The following ZC3H4 variants were observed in gnomAD, a reference collection of about 807,000 sequenced individuals.
ZC3H4 encodes the protein zinc finger CCCH-type containing 4.
Under a neutral mutation model 108.3 loss-of-function variants are expected in ZC3H4, and 13 were observed. The observed-to-expected ratio is 0.12, with a 90% CI of 0.08 to 0.19. The LOEUF is 0.19. ZC3H4 is among the 10% of genes least tolerant of loss of function. ZC3H4 has a pLI of 1.00. For missense variants in ZC3H4, 1,734 were observed against 1,838.8 expected, an observed-to-expected ratio of 0.94 and a Z score of 1.04; for synonymous variants, 917 against 749.6, an observed-to-expected ratio of 1.22 and a Z score of -3.65.
Position 47,093,876 on chromosome 19 carries a change from C to CA in ZC3H4, c.492+93dup, listed in dbSNP as rs1045220128. The CA allele has an allele frequency of 4.4e-6, 5 of 1,124,660 alleles. No homozygotes were observed. In the African/African-American group the frequency reaches 6.2e-5, roughly 14 times the overall value. The allele number at this position is 1,124,660 out of a possible 1,614,324, so 69.7% of individuals were successfully genotyped here. ...CCTGATGGCCCAGGACTGAAACTCACAAAAAATGCCCAGAACACAGCAAGT... is the reference window on the plus strand; with the variant it reads ...CCTGATGGCCCAGGACTGAAACTCACAAAAAAATGCCCAGAACACAGCAAGT... On this transcript the variant is annotated intron_variant, in intron 4 of 14. Coordinates refer to ENST00000253048, the MANE Select transcript of ZC3H4 (RefSeq NM_015168.2).
intron 14 of ZC3H4, among the ~76,000 whole-genome samples, chr19:47,068,093 T>C (rs949070831): frequency 7.9e-5 from 12 of 152,184 alleles, no homozygotes; most frequent in Admixed American, 4.6e-4. Context: ...GTGGCGGCAC[T>C]GCACTAAGTA....
At chr19:47,082,349 C>G in intron 9 of ZC3H4, 54 bp from the exon 10 acceptor site, 1 of 1,336,608 alleles carries the variant, frequency 7.5e-7, no homozygotes, top group Non-Finnish European at 1.1e-6. Flanking sequence ...CTCTTGCTTA[C>G]TTCTGTCTGC....
intron 1 of ZC3H4, among the ~76,000 whole-genome samples, chr19:47,112,842 C>G (rs2058058510): frequency 6.6e-6 from 1 of 152,098 alleles, no homozygotes; most frequent in Non-Finnish European, 1.5e-5. Context: ...GGCGAGAGCC[C>G]CCCCCCCACG....
intron 9 of ZC3H4, among the ~76,000 whole-genome samples, chr19:47,083,190 A>G (rs11879724): frequency 0.018 from 2,655 of 150,392 alleles, 71 homozygotes; most frequent in African/African-American, 0.061. Context: ...GAGGCTGAGG[A>G]AGGAGAATGG....
At chr19:47,080,988 C>A (rs187440181) in intron 11 of ZC3H4, among the ~76,000 whole-genome samples, 2 of 151,948 alleles carry the variant, frequency 1.3e-5, no homozygotes, top group Non-Finnish European at 2.9e-5. Flanking sequence ...GCCCTAAGTA[C>A]AACTGATCTG....
rs1358120189 is a variant in ZC3H4 at position 47,065,963 on chromosome 19, G to A, written c.*393C>T. Reference sequence around the variant, plus strand: ...GTGAGGAGCGTTCAATACCTTCCCAGACACCAACTGTTCCCTTTGTCCTGG... The same window carrying A: ...GTGAGGAGCGTTCAATACCTTCCCAAACACCAACTGTTCCCTTTGTCCTGG... On this transcript the variant is annotated 3_prime_UTR_variant, in exon 15 of 15. Transcript: ENST00000253048. The A allele has an allele frequency of 1.2e-5, 2 of 168,884 alleles. No homozygotes were observed. Among genetic ancestry groups the A allele is most frequent in the African/African-American group, 4.8e-5 (2 of 42,056 alleles). The allele number at this position is 168,884 out of a possible 1,614,324, so 10.5% of individuals were successfully genotyped here.
Position 47,066,680 on chromosome 19 carries a change from C to T in ZC3H4, c.3588G>A (p.Leu1196=). ...CGGCCTTCCCTGTCTCTGGCTGTTC[C>T]AGGGCAGACTTGCGGACGAACGGGG... ...KEPPFVRKSA[L]EQPETGKAGA... is the part of the protein sequence containing the mutation. Residue 1196 remains leucine, a synonymous_variant, in exon 15 of 15, where the codon CTG becomes CTA. Coordinates refer to ENST00000253048, the MANE Select transcript of ZC3H4 (RefSeq NM_015168.2). 1 of 1,611,412 alleles carries T rather than the reference C, an allele frequency of 6.2e-7. No homozygotes were observed. The highest frequency in any genetic ancestry group is 8.5e-7 in the Non-Finnish European group (1 of 1,179,472).
Position 47,085,313 on chromosome 19 carries a change from C to T in ZC3H4, c.967+5G>A, listed in dbSNP as rs747460973. 6.3e-7 allele frequency: 1 copy of T among 1,590,900 alleles called. No individual in the cohort carries two copies. Among genetic ancestry groups the T allele is most frequent in the Non-Finnish European group, 8.6e-7 (1 of 1,169,518 alleles). On this transcript the variant is annotated splice_donor_5th_base_variant and intron_variant, in intron 7 of 14. Transcript: ENST00000253048. ...CCAGCGTGTCCTCTCCAGGCCCCTG[C>T]CCACCTCGGCCTCGGCTGTCCTTGG...
At chr19:47,085,467 A>C in intron 6 of ZC3H4, 53 bp from the exon 7 acceptor site, 2 of 1,445,690 alleles carry the variant, frequency 1.4e-6, no homozygotes, top group Non-Finnish European at 1.9e-6. Context: ...AACAATGAAC[A>C]CTGTCCCCAC....
intron 2 of ZC3H4, chr19:47,110,989 A>G (rs1600122042): frequency 2.2e-6 from 2 of 891,730 alleles, no homozygotes; most frequent in East Asian, 2.4e-4. Context: ...GGGAGGTGGG[A>G]GTGGGGAGAA....
chr19:47,079,033 A>T (rs377066772), intron 11 of ZC3H4, among the ~76,000 whole-genome samples: 1,632 of 135,158 alleles, frequency 0.012, 23 homozygotes, highest in African/African-American at 0.042. Flanking sequence ...TTTCATTTCC[A>T]TTTTTTTTTT....
intron 2 of ZC3H4, among the ~76,000 whole-genome samples, chr19:47,101,896 T>C (rs531300423): frequency 4.0e-5 from 6 of 149,090 alleles, no homozygotes; most frequent in Non-Finnish European, 7.4e-5. Flanking sequence ...TAGCCGGGCA[T>C]GGTGGCACAC....
chr19:47,072,329 T>TC lies in ZC3H4; in HGVS notation c.1802+22dup, dbSNP rs745410151. On this transcript the variant is annotated intron_variant, in intron 12 of 14. Coordinates refer to ENST00000253048, the MANE Select transcript of ZC3H4 (RefSeq NM_015168.2). This position sits in a 1 kb window ranked among gnomAD's most constrained non-coding sequence, Gnocchi z 5.6. Reference sequence around the variant, plus strand: ...GGCCCAGGACAGCGCCCACTGCCTGTCACGGGGGTCCAGGGCACTCACCTC... The same window carrying TC: ...GGCCCAGGACAGCGCCCACTGCCTGTCCACGGGGGTCCAGGGCACTCACCTC... 1 of 1,608,836 alleles carries TC rather than the reference T, an allele frequency of 6.2e-7. No homozygotes were observed. The highest frequency in any genetic ancestry group is 8.5e-7 in the Non-Finnish European group (1 of 1,177,860).
intron 2 of ZC3H4, among the ~76,000 whole-genome samples, chr19:47,101,232 G>GCT (rs1000926119): frequency 1.4e-4 from 21 of 151,972 alleles, no homozygotes; most frequent in African/African-American, 5.1e-4. Flanking sequence ...CTACTCAAGA[G>GCT]GCTAAGGCGA....
chr19:47,071,867 G>A lies in ZC3H4; in HGVS notation c.2057C>T (p.Pro686Leu), dbSNP rs1387083736. The A allele has an allele frequency of 3.1e-6, 5 of 1,613,470 alleles. No homozygotes were observed. The highest frequency in any genetic ancestry group is 2.7e-5 in the African/African-American group (2 of 74,924). Residue 686 changes from proline to leucine, a missense_variant, in exon 13 of 15, where the codon CCC (proline) becomes CTC (leucine). Physicochemically the swap from Pro to Leu is moderately conservative, Grantham distance 98. Around this residue, in one of 9 missense-constraint regions of ZC3H4, gnomAD observed 540 missense variants for 484.1 expected, o/e 1.12. Coordinates refer to ENST00000253048, the MANE Select transcript of ZC3H4 (RefSeq NM_015168.2). ...GAAGTTCTGGGCTGGCGGGATAGGG[G>A]GCATCATTCCAGAATGTGGGGAGTC... ...PGDSPHSGMM[P>L]PIPPAQNFYE...
intron 5 of ZC3H4, among the ~76,000 whole-genome samples, chr19:47,087,587 C>G (rs1600065217): frequency 6.6e-6 from 1 of 151,424 alleles, no homozygotes; most frequent in East Asian, 1.9e-4. Context: ...ACTAAAAATA[C>G]AAAAAATTAG....
At position 47,066,458 on chromosome 19, in the gene ZC3H4, T is replaced by C; in HGVS notation, c.3810A>G (p.Pro1270=). The C allele has an allele frequency of 1.3e-6, 2 of 1,579,656 alleles. No homozygotes were observed. The highest frequency in any genetic ancestry group is 4.5e-5 in the East Asian group (2 of 44,086). Residue 1270 remains proline, a synonymous_variant, in exon 15 of 15, where the codon CCA becomes CCG. Transcript: ENST00000253048. ...KQTPKTGSGS[P]FAGNSPAREG... ...CGCGGGCCGGACTGTTCCCAGCAAA[T>C]GGGCTTCCTGAGCCCGTCTTGGGTG...
intron 11 of ZC3H4, among the ~76,000 whole-genome samples, chr19:47,075,228 G>C (rs1233592818): frequency 2.0e-5 from 3 of 152,148 alleles, no homozygotes; most frequent in Non-Finnish European, 2.9e-5. Context: ...GGGGTGGTCA[G>C]CGTGTGAACC....
chr19:47,093,183 T>A (rs1459286545), intron 4 of ZC3H4, among the ~76,000 whole-genome samples: 1 of 120,176 alleles, frequency 8.3e-6, no homozygotes, highest in Non-Finnish European at 1.6e-5. Flanking sequence ...ACCACTGTAC[T>A]CCAGCCTGGG....
Sources: allele counts gnomAD v4.1 joint callset (sites outside exome capture counted in the v4.1 genomes callset), GRCh38; gene constraint gnomAD v4.1.1; regional missense constraint gnomAD v4.1.1; non-coding constraint Gnocchi (gnomAD v3.1); transcripts MANE v1.5; gene names NCBI Gene and HGNC (gene_info 2026-07-23, HGNC 2026-07-21).